Variants in SYNE2 observed in about 807,000 individuals in gnomAD.
SYNE2 encodes the protein spectrin repeat containing nuclear envelope protein 2.
Under a neutral mutation model 856.3 loss-of-function variants are expected in SYNE2, and 431 were observed. The observed-to-expected ratio is 0.50, with a 90% CI of 0.47 to 0.55. SYNE2 has a LOEUF of 0.55. Among genes scored for constraint, SYNE2 ranks in the 20% least tolerant of loss-of-function variants. SYNE2 has a pLI of 0.00. For synonymous variants in SYNE2, 2,923 were observed against 2,872.3 expected (o/e 1.02, Z -0.56); for missense variants, 8,129 against 8,023.2 (o/e 1.01, Z -0.50).
At chr14:64,009,058 G>C (rs764726393) in intron 31 of SYNE2, among the ~76,000 whole-genome samples, 5 of 152,062 alleles carry the variant, frequency 3.3e-5, no homozygotes, top group East Asian at 1.9e-4. Flanking sequence ...TGTGGTATTT[G>C]ATCTAGTCTA....
In SYNE2 at chr14:63,981,183, G is replaced by A. The variant is rs754739987; in HGVS notation, c.1836+10G>A. The A allele has an allele frequency of 9.4e-6, 15 of 1,604,126 alleles. No homozygotes were observed. In the South Asian group the frequency reaches 1.7e-4, roughly 18 times the overall value. On this transcript the variant is annotated intron_variant, in intron 16 of 115. Coordinates refer to ENST00000555002, the MANE Select transcript of SYNE2 (RefSeq NM_182914.3). ...GGAAGAAATTAAAGAGGTATTTGCAGTCTAATAGCATCTGCTCAATTTTAT... is the reference window on the plus strand; with the variant it reads ...GGAAGAAATTAAAGAGGTATTTGCAATCTAATAGCATCTGCTCAATTTTAT...
intron 96 of SYNE2, among the ~76,000 whole-genome samples, chr14:64,182,028 A>G (rs1192256862): frequency 6.6e-6 from 1 of 152,218 alleles, no homozygotes; most frequent in Non-Finnish European, 1.5e-5. Flanking sequence ...TAGAGTATGC[A>G]TATGCAGGTC....
At chr14:64,193,002 A>G (rs2098525132) in intron 99 of SYNE2, among the ~76,000 whole-genome samples, 4 of 152,162 alleles carry the variant, frequency 2.6e-5, no homozygotes. Flanking sequence ...GACCTGTCAT[A>G]ATCAGCCTTA....
intron 2 of SYNE2, among the ~76,000 whole-genome samples, chr14:63,935,787 G>A (rs1386942498): frequency 6.6e-6 from 1 of 152,140 alleles, no homozygotes; most frequent in Non-Finnish European, 1.5e-5. Flanking sequence ...GCCAACGTGG[G>A]AAGATCACTT....
At chr14:64,218,246 A>T in intron 108 of SYNE2, 152 bp from the exon 109 acceptor site, 1 of 717,236 alleles carries the variant, frequency 1.4e-6, no homozygotes, top group Non-Finnish European at 2.4e-6. Context: ...AATGCTACCT[A>T]GACACTAAAG....
Position 64,003,228 on chromosome 14 carries a change from G to A in SYNE2, c.4295G>A (p.Cys1432Tyr). The A allele has an allele frequency of 1.9e-6, 3 of 1,613,734 alleles. No homozygotes were observed. The highest frequency in any genetic ancestry group is 2.5e-6 in the Non-Finnish European group (3 of 1,179,884). The change falls in exon 30 of 116, where the codon TGT (cysteine) becomes TAT (tyrosine). Residue 1432 changes from cysteine (C) to tyrosine (Y), a missense_variant. Cys to Tyr is a radical substitution (Grantham distance 194). Transcript: ENST00000555002. ...FTEENKLLEACIFKNNELLKN... is the reference protein window; with the variant it reads ...FTEENKLLEAYIFKNNELLKN... ...GAGGAAAACAAATTACTAGAGGCTT[G>A]TATTTTCAAAAATAATGAACTCCTT...
chr14:63,791,686 G>A (rs1566568722), intron 1 of SYNE2, among the ~76,000 whole-genome samples: 2 of 152,218 alleles, frequency 1.3e-5, no homozygotes, highest in African/African-American at 4.8e-5. Flanking sequence ...GCTCATACCT[G>A]TAATCCCAGC....
At chr14:63,882,633 G>A (rs2094890933) in intron 1 of SYNE2, among the ~76,000 whole-genome samples, 2 of 152,136 alleles carry the variant, frequency 1.3e-5, no homozygotes, top group South Asian at 4.1e-4. Flanking sequence ...GCTGAGGTGG[G>A]AGGATTGGTT....
In SYNE2 at chr14:64,165,497, C is replaced by T. The variant is rs7152337; in HGVS notation, c.16605+87C>T. The T allele has an allele frequency of 0.061, 85,108 of 1,400,918 alleles. 3,985 individuals carry two copies. The highest frequency in any genetic ancestry group is 0.24 in the African/African-American group (16,400 of 68,566). 86.8% of individuals were successfully genotyped at this position (1,400,918 alleles called of 1,614,324 possible). A position where few individuals can be genotyped will look rare whatever the true frequency, so the allele number is the denominator to read the frequency against. The stretch of plus-strand genomic sequence containing the variant: ...CTGATTACTGTGAACTTATGGAATG[C>T]TTGCATCCTAACTCACTCTTATTTT... On this transcript the variant is annotated intron_variant, in intron 90 of 115. Transcript: ENST00000555002.
At chr14:63,894,037 T>C (rs1400833812) in intron 1 of SYNE2, among the ~76,000 whole-genome samples, 1 of 152,198 alleles carries the variant, frequency 6.6e-6, no homozygotes, top group Non-Finnish European at 1.5e-5. Flanking sequence ...CCAGTTCACC[T>C]CGAGCCAAGT....
intron 58 of SYNE2, among the ~76,000 whole-genome samples, chr14:64,088,193 G>A (rs1462652685): frequency 1.3e-5 from 2 of 152,094 alleles, no homozygotes; most frequent in Admixed American, 1.3e-4. Context: ...ATAAATTAGA[G>A]TTATACTACT....
chr14:63,819,935 G>T (rs1057213476), intron 1 of SYNE2, among the ~76,000 whole-genome samples: 1 of 152,152 alleles, frequency 6.6e-6, no homozygotes, highest in East Asian at 1.9e-4. Context: ...CATATAAAAT[G>T]CTTAGGGAAT....
At chr14:64,142,405 T>C (rs1207518438) in intron 82 of SYNE2, among the ~76,000 whole-genome samples, 1 of 152,160 alleles carries the variant, frequency 6.6e-6, no homozygotes, top group East Asian at 1.9e-4. Context: ...ATTCCTTAAC[T>C]GTTCTTGGTG....
At chr14:64,146,865 C>T (rs542957904) in intron 84 of SYNE2, among the ~76,000 whole-genome samples, 8 of 152,226 alleles carry the variant, frequency 5.3e-5, no homozygotes, top group Admixed American at 1.3e-4. Context: ...TCCTGCGTGA[C>T]GGCCTTACAA....
At chr14:64,100,531 A>AAAAAAAAAAAAAATAT (rs1491537041) in intron 63 of SYNE2, among the ~76,000 whole-genome samples, 1 of 39,496 alleles carries the variant, frequency 2.5e-5, no homozygotes, top group African/African-American at 9.2e-5. Flanking sequence ...AAAAAAAAAA[A>AAAAAAAAAAAAAATAT]ATATATATAT....
rs748610019 is a variant in SYNE2, at chr14:63,983,770, G to T, written c.2035G>T (p.Asp679Tyr). ...CCTGCCACTGATGATAAAAAAACAG[G>T]ATCAGCCCACTTTTGACAATTCTGG... ...MNLPLMIKKQ[D>Y]QPTFDNSGNI... The change falls in exon 18 of 116, where the codon GAT becomes TAT. Residue 679 changes from aspartate (D) to tyrosine (Y), a missense_variant. Transcript: ENST00000555002. 3 of 1,612,948 alleles carry T rather than the reference G, an allele frequency of 1.9e-6. No homozygotes were observed. The highest frequency in any genetic ancestry group is 2.5e-6 in the Non-Finnish European group (3 of 1,179,396).
intron 56 of SYNE2, 83 bp downstream of exon 56, chr14:64,080,721 T>A: frequency 1.3e-6 from 2 of 1,520,676 alleles, no homozygotes; most frequent in Non-Finnish European, 1.8e-6. Context: ...TCAGAAACAG[T>A]CAGTTTCTGT....
chr14:63,993,871 A>G lies in SYNE2; in HGVS notation c.2683A>G (p.Lys895Glu). 2 of 1,610,868 alleles carry G rather than the reference A, an allele frequency of 1.2e-6. No individual in the cohort carries two copies. Among genetic ancestry groups the G allele is most frequent in the Non-Finnish European group, 1.7e-6 (2 of 1,178,106 alleles). The change falls in exon 22 of 116, where the codon AAG becomes GAG. Residue 895 changes from lysine to glutamate, a missense_variant. Lys to Glu is a moderately conservative substitution (Grantham distance 56). Around this residue, in one of 3 missense-constraint regions of SYNE2, gnomAD observed 2,422 missense variants for 2,357.4 expected, o/e 1.03. Coordinates refer to ENST00000555002, the MANE Select transcript of SYNE2 (RefSeq NM_182914.3). ...AATTTCTAATACAAAAAGTCTGGCC[A>G]AGTATTTGAAAGCTGTTGAAGAACT... ...LIISNTKSLA[K>E]YLKAVEELKN...
chr14:63,841,528 A>T (rs77895660), intron 1 of SYNE2, among the ~76,000 whole-genome samples: 1,599 of 152,262 alleles, frequency 0.011, 31 homozygotes, highest in African/African-American at 0.036. Flanking sequence ...TCCTCAGGGC[A>T]AGTTCTTGTA....
Sources: allele counts gnomAD v4.1 joint callset (sites outside exome capture counted in the v4.1 genomes callset), GRCh38; gene constraint gnomAD v4.1.1; regional missense constraint gnomAD v4.1.1; transcripts MANE v1.5; gene names NCBI Gene and HGNC (gene_info 2026-07-23, HGNC 2026-07-21).